Variants in TSHZ2 observed in about 807,000 individuals in gnomAD.
The protein encoded by TSHZ2 is teashirt zinc finger homeobox 2.
A neutral mutation model predicts 74.4 loss-of-function variants in TSHZ2; 21 were observed. That is an observed-to-expected ratio of 0.28 (90% CI 0.20 to 0.41). The LOEUF is 0.41. Ranked by LOEUF, TSHZ2 falls within the 10% of genes least tolerant of loss-of-function variation. TSHZ2 has a pLI of 1.00. For missense variants in TSHZ2, 1,244 were observed against 1,293.5 expected, an observed-to-expected ratio of 0.96 and a Z score of 0.59; for synonymous variants, 540 against 515.3, an observed-to-expected ratio of 1.05 and a Z score of -0.65.
rs371360435 is a variant in TSHZ2 at position 53,314,220 on chromosome 20, G to A, written c.*8+57649G>A. On this transcript the variant is annotated intron_variant, in intron 2 of 2. Transcript: ENST00000371497. The stretch of plus-strand genomic sequence containing the variant: ...AGAGAATCGCTTGAACCTGGGAGGC[G>A]GTGGTTGCAGTGAGCCAAGATCACA... 1.5e-4 allele frequency among the ~76,000 whole-genome samples: 23 copies of A among 151,764 alleles called. 1 individual carries two copies. In the South Asian group the frequency reaches 3.6e-3, roughly 24 times the overall value.
intron 2 of TSHZ2, among the ~76,000 whole-genome samples, chr20:53,371,523 C>T (rs749365850): frequency 2.6e-5 from 4 of 152,184 alleles, no homozygotes; most frequent in Non-Finnish European, 5.9e-5. Flanking sequence ...CTGGGTGACA[C>T]AGGGCAACAG....
intron 2 of TSHZ2, among the ~76,000 whole-genome samples, chr20:53,468,665 A>T (rs576090729): frequency 8.0e-4 from 98 of 122,306 alleles, no homozygotes; most frequent in African/African-American, 2.8e-3. Flanking sequence ...GTCAGTTAAG[A>T]TTCTCTGGCA....
intron 1 of TSHZ2, among the ~76,000 whole-genome samples, chr20:53,136,182 T>C (rs1458809760): frequency 6.6e-6 from 1 of 152,146 alleles, no homozygotes; most frequent in Non-Finnish European, 1.5e-5. Flanking sequence ...CTTCCTCTTA[T>C]AAAGCCACTA....
intron 1 of TSHZ2, among the ~76,000 whole-genome samples, chr20:53,155,411 G>A (rs992028497): frequency 2.4e-4 from 36 of 152,058 alleles, no homozygotes; most frequent in African/African-American, 8.2e-4. Context: ...AAAGGAACCC[G>A]TGGGATATAT....
intron 1 of TSHZ2, among the ~76,000 whole-genome samples, chr20:53,209,073 G>A (rs960973975): frequency 3.9e-5 from 6 of 152,084 alleles, no homozygotes; most frequent in South Asian, 2.1e-4. Context: ...CAACCATGAC[G>A]GCTGTATTTA....
intron 2 of TSHZ2, among the ~76,000 whole-genome samples, chr20:53,302,155 T>C (rs1038927533): frequency 6.6e-6 from 1 of 152,170 alleles, no homozygotes; most frequent in African/African-American, 2.4e-5. Context: ...CCGCTTGATA[T>C]GAGTGAGGAG....
chr20:53,449,890 C>T (rs1426218473), intron 2 of TSHZ2, among the ~76,000 whole-genome samples: 1 of 152,176 alleles, frequency 6.6e-6, no homozygotes, highest in Non-Finnish European at 1.5e-5. Flanking sequence ...CAACATTGAT[C>T]TACTTTTTGT....
At chr20:53,383,330 A>G (rs1981927823) in intron 2 of TSHZ2, among the ~76,000 whole-genome samples, 1 of 152,180 alleles carries the variant, frequency 6.6e-6, no homozygotes, top group Admixed American at 6.5e-5. Context: ...AATATTAGGT[A>G]TCATTTTTAT....
chr20:53,414,329 G>A (rs1190945133), intron 2 of TSHZ2, among the ~76,000 whole-genome samples: 1 of 151,844 alleles, frequency 6.6e-6, no homozygotes, highest in African/African-American at 2.4e-5. Flanking sequence ...AAAAGAATAA[G>A]CCAGTACTGG....
At chr20:53,276,414 A>T (rs1990947384) in intron 2 of TSHZ2, among the ~76,000 whole-genome samples, 1 of 152,174 alleles carries the variant, frequency 6.6e-6, no homozygotes, top group Admixed American at 6.5e-5. Flanking sequence ...TGGGAATATG[A>T]GCAGCTGCGT....
In TSHZ2 at chr20:53,016,926, G is replaced by A. The variant is rs528513466; in HGVS notation, c.40+43593G>A. On this transcript the variant is annotated intron_variant, in intron 1 of 2. Coordinates refer to ENST00000371497, the MANE Select transcript of TSHZ2 (RefSeq NM_173485.6). ...TTTACTCGTGAGTTGCAGGTGGGGGGCTTGCTTGTTTTCATCACTAACTGC... is the reference window on the plus strand; with the variant it reads ...TTTACTCGTGAGTTGCAGGTGGGGGACTTGCTTGTTTTCATCACTAACTGC... Among the ~76,000 whole-genome samples the A allele has an allele frequency of 4.6e-5, 7 of 152,194 alleles. No individual in the cohort carries two copies. The East Asian group carries it at 1.4e-3, about 29-fold the overall frequency.
rs1048106519 is a variant in TSHZ2, at chr20:52,972,524, CTGTG to C, written c.-762_-759del. 1 of 152,932 alleles carries C rather than the reference CTGTG, an allele frequency of 6.5e-6. No individual in the cohort carries two copies. The highest frequency in any genetic ancestry group is 2.4e-5 in the African/African-American group (1 of 40,870). 9.5% of individuals were successfully genotyped at this position (152,932 alleles called of 1,614,324 possible). ...CGCGTGTGAGTGCGTGTGTGAGTGTCTGTGTGTGTGTCTGTGTGTGTGTGTGAGT... is the reference window on the plus strand; with the variant it reads ...CGCGTGTGAGTGCGTGTGTGAGTGTCTGTGTGTCTGTGTGTGTGTGTGAGT... On this transcript the variant is annotated 5_prime_UTR_variant, in exon 1 of 3. The change creates a premature stop within an existing upstream ORF in the 5' untranslated region. Coordinates refer to ENST00000371497, the MANE Select transcript of TSHZ2 (RefSeq NM_173485.6).
At chr20:53,138,428 C>T (rs1987305701) in intron 1 of TSHZ2, among the ~76,000 whole-genome samples, 1 of 151,858 alleles carries the variant, frequency 6.6e-6, no homozygotes. Flanking sequence ...ATATAGGTTC[C>T]TCCAAAATAG....
intron 2 of TSHZ2, among the ~76,000 whole-genome samples, chr20:53,469,058 T>TATATATATATATATATATATAG (rs1985661445): frequency 8.6e-6 from 1 of 116,858 alleles, no homozygotes; most frequent in Non-Finnish European, 1.8e-5. Context: ...TATATATATA[T>TATATATATATATATATATATAG]ATATATATAT....
rs550327780 is a variant in TSHZ2, at chr20:53,123,181, A to G, written c.41-130318A>G. ...TCATCTATTTTTCAAAGCAACTTCT[A>G]TGAAGTAAATATTCTCATCCGTGTC... On this transcript the variant is annotated intron_variant, in intron 1 of 2. Transcript: ENST00000371497. Among the ~76,000 whole-genome samples, 11 of 152,344 alleles carry G rather than the reference A, an allele frequency of 7.2e-5. No individual in the cohort carries two copies. The South Asian group carries it at 1.4e-3, about 20-fold the overall frequency.
chr20:53,095,833 C>G (rs996102199), intron 1 of TSHZ2, among the ~76,000 whole-genome samples: 3 of 152,110 alleles, frequency 2.0e-5, no homozygotes, highest in African/African-American at 7.2e-5. Flanking sequence ...TTGAGAACCA[C>G]TGCCTACTGT....
chr20:53,355,716 C>A (rs1026799509), intron 2 of TSHZ2, among the ~76,000 whole-genome samples: 3 of 152,166 alleles, frequency 2.0e-5, no homozygotes, highest in Non-Finnish European at 4.4e-5. Flanking sequence ...CTAAGAACCA[C>A]TGAATTGTAC....
chr20:53,309,088 C>T (rs1392920469), intron 2 of TSHZ2, among the ~76,000 whole-genome samples: 2 of 152,190 alleles, frequency 1.3e-5, no homozygotes, highest in Non-Finnish European at 2.9e-5. Context: ...ATCACACCAC[C>T]CCCGAAAATG....
chr20:53,403,606 C>T (rs765939181), intron 2 of TSHZ2, among the ~76,000 whole-genome samples: 3 of 152,172 alleles, frequency 2.0e-5, no homozygotes, highest in Non-Finnish European at 4.4e-5. Context: ...GGAGGCCACC[C>T]TGAGTGTGTG....
Sources: gnomAD v4.1 joint callset for allele counts (sites outside exome capture counted in the v4.1 genomes callset) on GRCh38, gnomAD v4.1.1 for gene constraint, MANE v1.5 for transcripts, NCBI Gene and HGNC (gene_info 2026-07-23, HGNC 2026-07-21) for gene names.